The following DMD variants were observed in gnomAD, a reference collection of about 807,000 sequenced individuals.
The protein encoded by DMD is mutant dystrophin.
DMD carries 63 observed loss-of-function variants against 330.1 expected under a neutral mutation model. The observed-to-expected ratio is 0.19, with a 90% CI of 0.16 to 0.24. DMD has a LOEUF of 0.24. DMD is among the 10% of genes least tolerant of loss of function. The pLI, the probability that DMD is intolerant of heterozygous loss-of-function variation, is 1.00. For missense variants in DMD, 3,344 were observed against 2,684.1 expected (o/e 1.25, Z -5.43); for synonymous variants, 1,223 against 959.8 (o/e 1.27, Z -5.07).
At chrX:33,152,570 A>G (rs767915608) in intron 1 of DMD, among the ~76,000 whole-genome samples, 154 of 109,433 alleles carry the variant, frequency 1.4e-3, no homozygotes, top group African/African-American at 4.9e-3. Context: ...TTGCATTTAT[A>G]TTGTATATCA....
At position 31,351,663 on chromosome X, in the gene DMD, T is replaced by C. The variant is rs761857864; in HGVS notation, c.9085-3029A>G. On this transcript the variant is annotated intron_variant, in intron 60 of 78. Transcript: ENST00000357033. ...ATCACTTGAATCTGAGAGGTGGAGGTTGCAGTGCGCCGAGATCGTGTCACT... is the reference window on the plus strand; with the variant it reads ...ATCACTTGAATCTGAGAGGTGGAGGCTGCAGTGCGCCGAGATCGTGTCACT... Among the ~76,000 whole-genome samples the C allele has an allele frequency of 1.1e-4, 11 of 97,053 alleles. No individual in the cohort carries two copies. In the South Asian group the frequency reaches 4.1e-3, roughly 36 times the overall value. 84.3% of individuals were successfully genotyped at this position (97,053 alleles called of 115,157 possible).
chrX:33,018,756 A>T (rs1394274590), intron 2 of DMD, among the ~76,000 whole-genome samples: 1 of 111,812 alleles, frequency 8.9e-6, no homozygotes, highest in Non-Finnish European at 1.9e-5. Context: ...CAATGATGCC[A>T]GTATATACAG....
rs1402326641 is a variant in DMD, at chrX:33,131,750, T to C, written c.31+79532A>G. Reference sequence around the variant, plus strand: ...GCCCTCACACCACCACATCCCCAGTTACAGACATTTTTTTAAACCTCTTTT... The same window carrying C: ...GCCCTCACACCACCACATCCCCAGTCACAGACATTTTTTTAAACCTCTTTT... On this transcript the variant is annotated intron_variant, in intron 1 of 78. Coordinates refer to ENST00000357033, the MANE Select transcript of DMD (RefSeq NM_004006.3). 3.6e-5 allele frequency among the ~76,000 whole-genome samples: 4 copies of C among 112,304 alleles called. No homozygotes were observed. The East Asian group carries it at 1.1e-3, about 32-fold the overall frequency.
chrX:32,583,762 T>G (rs779701550), intron 13 of DMD: 11 of 112,605 alleles, frequency 9.8e-5, no homozygotes, highest in Middle Eastern at 1.7e-3. Flanking sequence ...GTTGTTTCAG[T>G]TGGATCTATA....
intron 1 of DMD, among the ~76,000 whole-genome samples, chrX:33,076,170 C>T (rs755222879): frequency 9.0e-6 from 1 of 111,176 alleles, no homozygotes; most frequent in Non-Finnish European, 1.9e-5. Flanking sequence ...AGCTTTGACT[C>T]CCTATGATTT....
intron 74 of DMD, among the ~76,000 whole-genome samples, chrX:31,150,677 A>G (rs1302565776): frequency 8.9e-6 from 1 of 112,057 alleles, no homozygotes. Flanking sequence ...AGTTTGAGAA[A>G]GCAAGATCAT....
chrX:32,680,324 G>T (rs191198626), intron 9 of DMD, among the ~76,000 whole-genome samples: 2 of 111,166 alleles, frequency 1.8e-5, no homozygotes. Flanking sequence ...ACATCACTAA[G>T]AACTTCAAAT....
intron 55 of DMD, among the ~76,000 whole-genome samples, chrX:31,621,685 G>GT (rs768002018): frequency 2.1e-4 from 24 of 111,967 alleles, no homozygotes; most frequent in African/African-American, 5.8e-4. Context: ...CAATAAGCTA[G>GT]TAAGTGCTAA....
At chrX:32,307,209 A>G (rs906974234) in intron 42 of DMD, among the ~76,000 whole-genome samples, 1 of 111,425 alleles carries the variant, frequency 9.0e-6, no homozygotes, top group African/African-American at 3.3e-5. Flanking sequence ...GTAAGGTAGG[A>G]CAGGGAGCAA....
Position 31,736,439 on chromosome X carries a change from C to G in DMD, c.7543-6691G>C, listed in dbSNP as rs372908975. Reference sequence around the variant, plus strand: ...AGAAATTGGAGATAAAAAGGAGAACCTGTGGCTTCAGCAACAATGATGGCT... The same window carrying G: ...AGAAATTGGAGATAAAAAGGAGAACGTGTGGCTTCAGCAACAATGATGGCT... On this transcript the variant is annotated intron_variant, in intron 51 of 78. Coordinates refer to ENST00000357033, the MANE Select transcript of DMD (RefSeq NM_004006.3). Among the ~76,000 whole-genome samples, 584 of 111,463 alleles carry G rather than the reference C, an allele frequency of 5.2e-3. 3 individuals carry two copies. Among genetic ancestry groups the G allele is most frequent in the South Asian group, 0.022 (58 of 2,646 alleles).
chrX:33,196,319 G>C (rs2050934812), intron 1 of DMD, among the ~76,000 whole-genome samples: 1 of 111,143 alleles, frequency 9.0e-6, no homozygotes, highest in Non-Finnish European at 1.9e-5. Flanking sequence ...CAGGAGGTGA[G>C]AGACATGAGC....
At chrX:31,378,083 G>C (rs149728883) in intron 60 of DMD, among the ~76,000 whole-genome samples, 2,207 of 110,935 alleles carry the variant, frequency 0.02, 48 homozygotes, top group African/African-American at 0.067. Flanking sequence ...GACTCTTTTT[G>C]GACTCAGCCC....
chrX:31,940,632 A>C lies in DMD; in HGVS notation c.6615-8405T>G, dbSNP rs766834520. Among the ~76,000 whole-genome samples the C allele has an allele frequency of 4.5e-5, 5 of 110,522 alleles. No individual in the cohort carries two copies. In the South Asian group the frequency reaches 1.9e-3, roughly 42 times the overall value. ...CTTGTTGACCAGAAAATTTTTGTAA[A>C]GTTTGCATGAACGGAAAGTTTCTAT... On this transcript the variant is annotated intron_variant, in intron 45 of 78. Coordinates refer to ENST00000357033, the MANE Select transcript of DMD (RefSeq NM_004006.3).
intron 44 of DMD, among the ~76,000 whole-genome samples, chrX:32,198,985 T>G (rs147026328): frequency 8.9e-6 from 1 of 112,586 alleles, no homozygotes; most frequent in African/African-American, 3.2e-5. Context: ...TCCTTTTCTC[T>G]TCCATCAGCA....
chrX:33,162,757 G>GTT (rs1374495269), intron 1 of DMD, among the ~76,000 whole-genome samples: 1,338 of 102,599 alleles, frequency 0.013, 17 homozygotes, highest in African/African-American at 0.043. Flanking sequence ...TTTTTATGCT[G>GTT]TTTTTTTTTT....
At chrX:31,473,203 CA>C (rs59143391) in intron 59 of DMD, among the ~76,000 whole-genome samples, 10,359 of 82,726 alleles carry the variant, frequency 0.13, 811 homozygotes, top group African/African-American at 0.28. Context: ...CTAAAAAATC[CA>C]AAAAAAAAAA....
At chrX:33,278,372 C>T (rs189962991) in intron 1 of DMD, among the ~76,000 whole-genome samples, 79 of 111,151 alleles carry the variant, frequency 7.1e-4, no homozygotes, top group African/African-American at 2.5e-3. Flanking sequence ...CTACTGTTCT[C>T]ATCTTTATGT....
chrX:32,010,273 C>A (rs2095696530), intron 44 of DMD, among the ~76,000 whole-genome samples: 1 of 111,768 alleles, frequency 8.9e-6, no homozygotes, highest in Non-Finnish European at 1.9e-5. Context: ...GATATTTTAT[C>A]TATTATATCT....
At chrX:31,943,323 G>T (rs186900343) in intron 45 of DMD, among the ~76,000 whole-genome samples, 217 of 112,273 alleles carry the variant, frequency 1.9e-3, no homozygotes, top group African/African-American at 6.5e-3. Flanking sequence ...GGTATGCGAA[G>T]TCATGAAAAT....
Sources: allele counts gnomAD v4.1 joint callset (sites outside exome capture counted in the v4.1 genomes callset), GRCh38; gene constraint gnomAD v4.1.1; transcripts MANE v1.5; gene names NCBI Gene and HGNC (gene_info 2026-07-23, HGNC 2026-07-21).